Variants in SGCE observed in about 807,000 individuals in gnomAD.
SGCE encodes sarcoglycan epsilon, also known as epsilon-sarcoglycan.
A neutral mutation model predicts 57.8 loss-of-function variants in SGCE; 26 were observed. That is an observed-to-expected ratio of 0.45 (90% CI 0.33 to 0.62). SGCE has a LOEUF of 0.62. Among genes scored for constraint, SGCE ranks in the 20% least tolerant of loss-of-function variants. SGCE has a pLI of 0.02. For synonymous variants in SGCE, 183 were observed against 189.5 expected, an observed-to-expected ratio of 0.97 and a Z score of 0.28; for missense variants, 468 against 548.6, an observed-to-expected ratio of 0.85 and a Z score of 1.47.
intron 6 of SGCE, 68 bp from the exon 7 acceptor site, chr7:94,600,925 G>A: frequency 7.8e-7 from 1 of 1,275,868 alleles, no homozygotes; most frequent in Non-Finnish European, 1.1e-6. Flanking sequence ...TTAAGATCTG[G>A]ATACACTAAA....
chr7:94,642,778 A>G (rs967123630), intron 1 of SGCE, among the ~76,000 whole-genome samples: 6 of 152,214 alleles, frequency 3.9e-5, no homozygotes, highest in Non-Finnish European at 7.3e-5. Context: ...ATTCTTCTCT[A>G]CAATGTTCCA....
chr7:94,652,770 C>CT (rs1808080206), intron 1 of SGCE, among the ~76,000 whole-genome samples: 1 of 152,164 alleles, frequency 6.6e-6, no homozygotes, highest in East Asian at 1.9e-4. Flanking sequence ...TCCACTTACT[C>CT]TTTGACAACT....
intron 10 of SGCE, chr7:94,587,810 C>A: frequency 6.5e-7 from 1 of 1,544,926 alleles, no homozygotes; most frequent in South Asian, 1.2e-5. Flanking sequence ...AAACGAAAAT[C>A]TCCTTAAATT....
At chr7:94,637,650 G>A (rs1314054029) in intron 1 of SGCE, among the ~76,000 whole-genome samples, 2 of 152,162 alleles carry the variant, frequency 1.3e-5, no homozygotes, top group African/African-American at 4.8e-5. Context: ...CACCATAATA[G>A]ATGACTCTGC....
Position 94,603,305 on chromosome 7 carries a change from C to T in SGCE, c.810G>A (p.Trp270Ter), listed in dbSNP as rs1562811414. The T allele has an allele frequency of 6.2e-7, 1 of 1,612,228 alleles. No individual in the cohort carries two copies. The highest frequency in any genetic ancestry group is 8.5e-7 in the Non-Finnish European group (1 of 1,178,786). The change falls in exon 6 of 11, where the codon TGG (tryptophan) becomes TGA (stop). Residue 270 changes from tryptophan (W) to a stop codon, truncating the protein, a stop_gained. Transcript: ENST00000648936. LOFTEE classifies it high-confidence loss of function. ...AAAAACTTACCAATGAAATTTTGCACCAGTCAATGTAAAATTGAGTACGAA... is the reference window on the plus strand; with the variant it reads ...AAAAACTTACCAATGAAATTTTGCATCAGTCAATGTAAAATTGAGTACGAA... Reference protein sequence around the residue: ...KKFRTQFYIDWCKISLVDKTK... With the variant: ...KKFRTQFYID
intron 1 of SGCE, 197 bp from the exon 2 acceptor site, chr7:94,630,038 CT>C: frequency 3.5e-6 from 2 of 574,756 alleles, no homozygotes; most frequent in Non-Finnish European, 6.0e-6. Context: ...GGAAAAAATT[CT>C]TTTGATTTGT....
chr7:94,602,179 C>T (rs1356170288), intron 6 of SGCE, among the ~76,000 whole-genome samples: 1 of 152,064 alleles, frequency 6.6e-6, no homozygotes, highest in East Asian at 1.9e-4. Context: ...GTTATGGTTG[C>T]AGCTGCTCAG....
rs781370889 is a variant in SGCE, at chr7:94,641,954, C to T, written c.110-12113G>A. 3.3e-5 allele frequency among the ~76,000 whole-genome samples: 5 copies of T among 152,024 alleles called. 1 individual carries two copies. Among genetic ancestry groups the T allele is most frequent in the Admixed American group, 3.3e-4 (5 of 15,250 alleles). On this transcript the variant is annotated intron_variant, in intron 1 of 10. Transcript: ENST00000648936. Reference sequence around the variant, plus strand: ...TGGGACCACTGCAACCGGCTAAAACCGAGGCTACCGATTTAATCATGACAC... The same window carrying T: ...TGGGACCACTGCAACCGGCTAAAACTGAGGCTACCGATTTAATCATGACAC...
At chr7:94,620,696 G>A (rs892464231) in intron 4 of SGCE, 4 of 152,060 alleles carry the variant, frequency 2.6e-5, no homozygotes, top group African/African-American at 7.2e-5. Context: ...TTTTTCTTAT[G>A]ATCAGTGCTA....
At chr7:94,613,658 A>G (rs1375948410) in intron 5 of SGCE, among the ~76,000 whole-genome samples, 1 of 152,214 alleles carries the variant, frequency 6.6e-6, no homozygotes, top group East Asian at 1.9e-4. Flanking sequence ...ATGGTAAACA[A>G]TTTAAGTAGA....
intron 1 of SGCE, among the ~76,000 whole-genome samples, chr7:94,653,942 T>C (rs905568490): frequency 6.6e-6 from 1 of 152,072 alleles, no homozygotes; most frequent in Non-Finnish European, 1.5e-5. Context: ...AAAGGCTCTT[T>C]GGAAAGAAAA....
rs757096943 is a variant in SGCE, at chr7:94,603,456, T to TA, written c.663-5dup. 83 of 1,612,370 alleles carry TA rather than the reference T, an allele frequency of 5.1e-5. No homozygotes were observed. The highest frequency in any genetic ancestry group is 8.5e-6 in the Non-Finnish European group (10 of 1,178,876). ...TGCACCAACCATGACATAAACGCTG[T>TA]AAAAATGTGAAACTCTCAGGTTATC... On this transcript the variant is annotated splice_polypyrimidine_tract_variant and splice_region_variant and intron_variant, in intron 5 of 10. Transcript: ENST00000648936.
intron 10 of SGCE, chr7:94,586,971 T>C (rs1211461080): frequency 1.0e-6 from 1 of 984,322 alleles, no homozygotes; most frequent in Non-Finnish European, 1.2e-6. Context: ...CTTTAGTCTA[T>C]AATATGATCC....
chr7:94,602,220 GATTGAACA>G (rs2116711206), intron 6 of SGCE, among the ~76,000 whole-genome samples: 1 of 152,148 alleles, frequency 6.6e-6, no homozygotes, highest in South Asian at 2.1e-4. Context: ...TTAGCACCAT[GATTGAACA>G]AATTTTCCTA....
intron 5 of SGCE, among the ~76,000 whole-genome samples, chr7:94,609,445 T>C (rs1487657110): frequency 1.3e-5 from 2 of 152,170 alleles, no homozygotes; most frequent in African/African-American, 4.8e-5. Flanking sequence ...GGCATGAGAA[T>C]CACTTGAACC....
chr7:94,598,468 C>T, intron 9 of SGCE: 1 of 321,320 alleles, frequency 3.1e-6, no homozygotes, highest in Non-Finnish European at 5.8e-6. Flanking sequence ...GGATATGGTT[C>T]TTTTTTTTAT....
At chr7:94,609,415 T>G (rs1800662647) in intron 5 of SGCE, among the ~76,000 whole-genome samples, 1 of 152,140 alleles carries the variant, frequency 6.6e-6, no homozygotes, top group African/African-American at 2.4e-5. Context: ...TAGTCCCAGC[T>G]ACTTGACTTG....
chr7:94,654,011 T>G (rs1337992972), intron 1 of SGCE, among the ~76,000 whole-genome samples: 1 of 152,098 alleles, frequency 6.6e-6, no homozygotes, highest in Non-Finnish European at 1.5e-5. Context: ...TTAACTGCAA[T>G]CCTATGAAAA....
At chr7:94,629,035 T>C (rs1804223120) in intron 2 of SGCE, 1 of 152,234 alleles carries the variant, frequency 6.6e-6, no homozygotes, top group Non-Finnish European at 1.5e-5. Context: ...TCAAAAAGAA[T>C]AGTTATATCA....
Sources: gnomAD v4.1 joint callset for allele counts (sites outside exome capture counted in the v4.1 genomes callset) on GRCh38, gnomAD v4.1.1 for gene constraint, MANE v1.5 for transcripts, NCBI Gene and HGNC (gene_info 2026-07-23, HGNC 2026-07-21) for gene names.